TANK: variants seen among roughly 807,000 people sequenced by gnomAD.
TANK encodes TRAF family member associated NFKB activator.
A neutral mutation model predicts 43.6 loss-of-function variants in TANK; 15 were observed. The ratio of observed to expected loss-of-function variants is 0.34; its 90% confidence interval spans 0.23 to 0.53. The LOEUF (loss-of-function observed/expected upper bound fraction) is 0.53, where lower values mean the gene tolerates loss of function less well. TANK is among the 20% of genes least tolerant of loss of function. TANK has a pLI of 0.94. For missense variants in TANK, 417 were observed against 498.6 expected (o/e 0.84, Z 1.56); for synonymous variants, 162 against 178.2 (o/e 0.91, Z 0.73).
intron 1 of TANK, among the ~76,000 whole-genome samples, chr2:161,172,563 A>G (rs780818320): frequency 1.3e-5 from 2 of 152,076 alleles, no homozygotes; most frequent in Non-Finnish European, 2.9e-5. Flanking sequence ...ACTGTTGTCC[A>G]AAATTAGATT....
At chr2:161,195,682 T>C (rs575905488) in intron 2 of TANK, among the ~76,000 whole-genome samples, 199 of 152,292 alleles carry the variant, frequency 1.3e-3, no homozygotes, top group African/African-American at 4.5e-3. Context: ...TATGATTACA[T>C]GTGCATTTTG....
chr2:161,141,981 C>T (rs528839822), intron 1 of TANK, among the ~76,000 whole-genome samples: 2 of 152,118 alleles, frequency 1.3e-5, no homozygotes, highest in East Asian at 1.9e-4. Context: ...TCCAAAGCCT[C>T]GTCAGCATCT....
chr2:161,197,484 G>A (rs567686786), intron 2 of TANK: 8 of 152,196 alleles, frequency 5.3e-5, no homozygotes, highest in Non-Finnish European at 8.8e-5. Context: ...TACATGCTCT[G>A]TGTCTTAGTC....
At chr2:161,167,975 T>G (rs1175844188) in intron 1 of TANK, among the ~76,000 whole-genome samples, 1 of 152,122 alleles carries the variant, frequency 6.6e-6, no homozygotes, top group Non-Finnish European at 1.5e-5. Context: ...TGATACTAAG[T>G]TATTTGATAG....
chr2:161,193,973 T>G (rs943268744), intron 2 of TANK, among the ~76,000 whole-genome samples: 1 of 152,080 alleles, frequency 6.6e-6, no homozygotes, highest in Non-Finnish European at 1.5e-5. Context: ...CCTGGAGAGT[T>G]TCAAGTATCA....
chr2:161,176,112 A>G (rs527940402), intron 1 of TANK, among the ~76,000 whole-genome samples: 3 of 152,182 alleles, frequency 2.0e-5, no homozygotes, highest in Non-Finnish European at 4.4e-5. Context: ...CATGTTTACT[A>G]TAAGTAAAAA....
chr2:161,222,525 C>T (rs1280537404), intron 4 of TANK, among the ~76,000 whole-genome samples: 1 of 151,946 alleles, frequency 6.6e-6, no homozygotes, highest in African/African-American at 2.4e-5. Context: ...AAAATGTTGC[C>T]TTTCTTCCTA....
intron 4 of TANK, among the ~76,000 whole-genome samples, chr2:161,208,622 T>C (rs1686750360): frequency 6.6e-6 from 1 of 152,180 alleles, no homozygotes; most frequent in Non-Finnish European, 1.5e-5. Context: ...TCAGGGTCTC[T>C]TATGTTGAAG....
intron 1 of TANK, among the ~76,000 whole-genome samples, chr2:161,145,090 G>A (rs1028246954): frequency 6.0e-5 from 8 of 133,984 alleles, no homozygotes; most frequent in African/African-American, 2.0e-4. Flanking sequence ...TTGGTTTAAT[G>A]TCTGTTTTGT....
intron 2 of TANK, among the ~76,000 whole-genome samples, chr2:161,193,982 C>A (rs1054525339): frequency 2.6e-5 from 4 of 152,254 alleles, no homozygotes; most frequent in Non-Finnish European, 5.9e-5. Flanking sequence ...TTTCAAGTAT[C>A]ACAAGACTCC....
At chr2:161,228,322 G>A (rs528606362) in intron 6 of TANK, among the ~76,000 whole-genome samples, 1 of 152,238 alleles carries the variant, frequency 6.6e-6, no homozygotes, top group East Asian at 1.9e-4. Context: ...ACCTGAGGTT[G>A]GGAGTTCGAG....
chr2:161,225,604 A>C (rs1687575042), intron 6 of TANK, among the ~76,000 whole-genome samples: 1 of 152,340 alleles, frequency 6.6e-6, no homozygotes, highest in South Asian at 2.1e-4. Context: ...TTCTGCAAAC[A>C]AAAGGAAGGT....
intron 4 of TANK, chr2:161,223,697 T>A: frequency 2.9e-6 from 1 of 343,550 alleles, no homozygotes; most frequent in Non-Finnish European, 5.4e-6. Flanking sequence ...AAATATTTCA[T>A]CTCTTCAGAC....
intron 6 of TANK, among the ~76,000 whole-genome samples, chr2:161,230,413 T>G (rs1687850979): frequency 6.6e-6 from 1 of 152,220 alleles, no homozygotes; most frequent in African/African-American, 2.4e-5. Flanking sequence ...TTAACATGCA[T>G]CACAATATTT....
chr2:161,139,782 T>C (rs1323691031), intron 1 of TANK: 9 of 985,294 alleles, frequency 9.1e-6, no homozygotes, highest in Non-Finnish European at 9.6e-6. Flanking sequence ...CAAGTAACCC[T>C]ATCCAGGCAT....
chr2:161,164,037 T>C (rs1684561552), intron 1 of TANK, among the ~76,000 whole-genome samples: 1 of 152,216 alleles, frequency 6.6e-6, no homozygotes, highest in South Asian at 2.1e-4. Flanking sequence ...GAAGCGTTAC[T>C]AACAGTAGGA....
At chr2:161,206,095 T>C (rs949476496) in intron 4 of TANK, among the ~76,000 whole-genome samples, 1 of 152,010 alleles carries the variant, frequency 6.6e-6, no homozygotes, top group African/African-American at 2.4e-5. Context: ...CTGTGATATC[T>C]GAAAAAGGAA....
intron 4 of TANK, 135 bp from the exon 5 acceptor site, chr2:161,223,780 G>GGTCT (rs1203869639): frequency 1.9e-6 from 1 of 516,986 alleles, no homozygotes; most frequent in Admixed American, 3.3e-5. Flanking sequence ...ATTACATATA[G>GGTCT]GTCTATAAGC....
intron 1 of TANK, among the ~76,000 whole-genome samples, chr2:161,167,743 C>T (rs1045427294): frequency 1.3e-5 from 2 of 152,158 alleles, no homozygotes; most frequent in Non-Finnish European, 2.9e-5. Context: ...CTGCCTCAGC[C>T]TCCCAAGTAG....
Sources: gnomAD v4.1 joint callset for allele counts (sites outside exome capture counted in the v4.1 genomes callset) on GRCh38, gnomAD v4.1.1 for gene constraint, MANE v1.5 for transcripts, NCBI Gene and HGNC (gene_info 2026-07-23, HGNC 2026-07-21) for gene names.